RBM26: variants seen among roughly 807,000 people sequenced by gnomAD.
The protein encoded by RBM26 is RNA binding motif protein 26, also known as RNA-binding protein 26.
Under a neutral mutation model 123.6 loss-of-function variants are expected in RBM26, and 30 were observed. The observed-to-expected ratio is 0.24, with a 90% CI of 0.18 to 0.33. The LOEUF is 0.33. Among genes scored for constraint, RBM26 ranks in the 10% least tolerant of loss-of-function variants. The pLI is 1.00. For synonymous variants in RBM26, 400 were observed against 404.4 expected (o/e 0.99, Z 0.13); for missense variants, 947 against 1,203.6 (o/e 0.79, Z 3.15).
chr13:79,317,356 T>G (rs2067246097), downstream of RBM26, among the ~76,000 whole-genome samples: 1 of 151,666 alleles, frequency 6.6e-6, no homozygotes. Flanking sequence ...TCTCAAACAC[T>G]AATATAGTAC....
At chr13:79,387,913 C>T (rs1410335) in intron 1 of RBM26, among the ~76,000 whole-genome samples, 21,661 of 152,128 alleles carry the variant, frequency 0.14, 3,817 homozygotes, top group African/African-American at 0.42. Context: ...TGTTACATAG[C>T]AACTACTGGT....
At chr13:79,383,438 T>C (rs1317703270) in intron 1 of RBM26, among the ~76,000 whole-genome samples, 1 of 152,178 alleles carries the variant, frequency 6.6e-6, no homozygotes, top group Non-Finnish European at 1.5e-5. Flanking sequence ...AGAATATACA[T>C]ACAAATATAT....
At chr13:79,335,451 T>A (rs779355026) in intron 19 of RBM26, among the ~76,000 whole-genome samples, 1 of 152,142 alleles carries the variant, frequency 6.6e-6, no homozygotes, top group Non-Finnish European at 1.5e-5. Flanking sequence ...TTATTACTAT[T>A]ACTACTGGTA....
intron 17 of RBM26, 152 bp from the exon 18 acceptor site, chr13:79,341,379 C>T: frequency 2.1e-6 from 1 of 478,888 alleles, no homozygotes. Context: ...TACTCCACAC[C>T]TCCACAATAA....
At chr13:79,323,067 T>C (rs1200371889) in intron 20 of RBM26, among the ~76,000 whole-genome samples, 18 of 151,512 alleles carry the variant, frequency 1.2e-4, no homozygotes, top group Non-Finnish European at 8.9e-5. Context: ...AAAACCCCTC[T>C]GAACTCTTCT....
rs1594160170 is a variant in RBM26 at position 79,346,697 on chromosome 13, G to A, written c.2059-1903C>T. 2.0e-5 allele frequency among the ~76,000 whole-genome samples: 3 copies of A among 152,304 alleles called. No homozygotes were observed. The East Asian group carries it at 5.8e-4, about 29-fold the overall frequency. Reference sequence around the variant, plus strand: ...GACCAATTAAACAAAGATTTTGTTTGTGGTCAGACTTCAGTGACCTTTCTT... The same window carrying A: ...GACCAATTAAACAAAGATTTTGTTTATGGTCAGACTTCAGTGACCTTTCTT... On this transcript the variant is annotated intron_variant, in intron 14 of 21. Coordinates refer to ENST00000438737, the MANE Select transcript of RBM26 (RefSeq NM_001366735.2).
intron 18 of RBM26, among the ~76,000 whole-genome samples, chr13:79,338,080 G>T (rs1344760250): frequency 6.6e-6 from 1 of 151,996 alleles, no homozygotes; most frequent in Non-Finnish European, 1.5e-5. Flanking sequence ...TTAGCCAGGC[G>T]TAGTGCCTGT....
At chr13:79,341,329 A>G in intron 17 of RBM26, 102 bp from the exon 18 acceptor site, 2 of 646,772 alleles carry the variant, frequency 3.1e-6, no homozygotes, top group Non-Finnish European at 2.6e-6. Context: ...TAATCCATAT[A>G]TTTCTATCTC....
intron 20 of RBM26, among the ~76,000 whole-genome samples, chr13:79,324,473 G>A (rs1249431360): frequency 6.6e-6 from 1 of 151,570 alleles, no homozygotes; most frequent in Non-Finnish European, 1.5e-5. Flanking sequence ...TCACAATCTG[G>A]CCTGCTTGTA....
Position 79,371,824 on chromosome 13 carries a change from G to C in RBM26, c.416+18C>G. 2.6e-6 allele frequency: 4 copies of C among 1,512,840 alleles called. No individual in the cohort carries two copies. Among genetic ancestry groups the C allele is most frequent in the Non-Finnish European group, 3.7e-6 (4 of 1,088,468 alleles). The allele number at this position is 1,512,840 out of a possible 1,614,324, so 93.7% of individuals were successfully genotyped here. A position where few individuals can be genotyped will look rare whatever the true frequency, so the allele number is the denominator to read the frequency against. On this transcript the variant is annotated intron_variant, in intron 4 of 21. Transcript: ENST00000438737. ...AACTTACATCGAAACACTGAGTATG[G>C]TTCAATGAACTGCTCACCTATTTTC...
At chr13:79,328,682 G>GAAA (rs2068807194) in intron 20 of RBM26, among the ~76,000 whole-genome samples, 1 of 27,346 alleles carries the variant, frequency 3.7e-5, no homozygotes, top group Non-Finnish European at 7.4e-5. Flanking sequence ...CCTGCATTAA[G>GAAA]TAAAAAAAAA....
chr13:79,381,281 C>T (rs892961187), intron 1 of RBM26, among the ~76,000 whole-genome samples: 5 of 152,046 alleles, frequency 3.3e-5, no homozygotes, highest in African/African-American at 1.2e-4. Flanking sequence ...ACTAGACTGC[C>T]TCTTACAACG....
intron 20 of RBM26, among the ~76,000 whole-genome samples, chr13:79,324,857 A>G (rs952055307): frequency 3.3e-5 from 5 of 152,024 alleles, no homozygotes; most frequent in African/African-American, 7.2e-5. Flanking sequence ...TTTTCCAAAT[A>G]GCTAGTCAAT....
chr13:79,405,661 TC>T, intron 1 of RBM26, 42 bp downstream of exon 1: 1 of 1,417,982 alleles, frequency 7.1e-7, no homozygotes, highest in Non-Finnish European at 9.8e-7. Flanking sequence ...TCCGCCTATC[TC>T]CCACTGCCAT....
chr13:79,374,886 G>GTAT (rs909292381), intron 3 of RBM26, among the ~76,000 whole-genome samples: 1 of 151,494 alleles, frequency 6.6e-6, no homozygotes, highest in Non-Finnish European at 1.5e-5. Context: ...AAAACAGGAA[G>GTAT]TATTATTACA....
intron 9 of RBM26, among the ~76,000 whole-genome samples, chr13:79,359,901 A>G (rs2139692130): frequency 6.6e-6 from 1 of 151,820 alleles, no homozygotes; most frequent in East Asian, 1.9e-4. Context: ...AGTCAACCAC[A>G]GTCCAAAATT....
At chr13:79,339,890 A>G (rs1263070303) in intron 18 of RBM26, among the ~76,000 whole-genome samples, 1 of 152,164 alleles carries the variant, frequency 6.6e-6, no homozygotes, top group East Asian at 1.9e-4. Context: ...GAAGTACTGC[A>G]TTACTGCATA....
At chr13:79,337,375 G>A in intron 18 of RBM26, 73 bp from the exon 19 acceptor site, 2 of 1,527,082 alleles carry the variant, frequency 1.3e-6, no homozygotes, top group South Asian at 1.1e-5. Flanking sequence ...CACTCTGGCA[G>A]ATGAATAAAA....
intron 20 of RBM26, among the ~76,000 whole-genome samples, chr13:79,333,698 CT>C (rs571334587): frequency 6.6e-6 from 1 of 151,112 alleles, no homozygotes; most frequent in Non-Finnish European, 1.5e-5. Flanking sequence ...TCCCATTTTC[CT>C]TTTTTTTTAA....
Sources: gnomAD v4.1 joint callset for allele counts (sites outside exome capture counted in the v4.1 genomes callset) on GRCh38, gnomAD v4.1.1 for gene constraint, MANE v1.5 for transcripts, NCBI Gene and HGNC (gene_info 2026-07-23, HGNC 2026-07-21) for gene names.